The following PRRG1 variants were observed in gnomAD, a reference collection of about 807,000 sequenced individuals.
PRRG1 encodes the protein transmembrane gamma-carboxyglutamic acid protein 1.
In PRRG1, 5 loss-of-function variants were observed where a neutral mutation model predicts 11.8. That is an observed-to-expected ratio of 0.42 (90% CI 0.22 to 0.89). The LOEUF is 0.89. PRRG1 is among the 40% of genes least tolerant of loss of function. The pLI, the probability that PRRG1 is intolerant of heterozygous loss-of-function variation, is 0.28. For synonymous variants in PRRG1, 66 were observed against 60.4 expected (o/e 1.09, Z -0.43); for missense variants, 155 against 166.1 (o/e 0.93, Z 0.37).
intron 1 of PRRG1, among the ~76,000 whole-genome samples, chrX:37,399,392 G>A (rs1473897231): frequency 2.0e-4 from 21 of 107,593 alleles, no homozygotes; most frequent in African/African-American, 7.1e-4. Context: ...AGCTTCATAA[G>A]TGAAGGAGAA....
intron 3 of PRRG1, among the ~76,000 whole-genome samples, chrX:37,447,361 T>C (rs1420380697): frequency 1.8e-5 from 2 of 112,046 alleles, no homozygotes; most frequent in African/African-American, 6.5e-5. Context: ...ATGGTAGTAA[T>C]AGCAGGACAC....
rs1402500414 is a variant in PRRG1, at chrX:37,453,898, T to G, written c.*277T>G. 4.3e-6 allele frequency: 1 copy of G among 231,153 alleles called. No homozygotes were observed. The highest frequency in any genetic ancestry group is 7.7e-6 in the Non-Finnish European group (1 of 130,475). 19.0% of individuals were successfully genotyped at this position (231,153 alleles called of 1,213,427 possible). A position where few individuals can be genotyped will look rare whatever the true frequency, so the allele number is the denominator to read the frequency against. ...ACATGTAAGTGTATATATGTGTGTA[T>G]AGGCATATATACGTGTGTATGCATC... is the stretch of plus-strand genomic sequence containing the variant. On this transcript the variant is annotated 3_prime_UTR_variant, in exon 4 of 4. Coordinates refer to ENST00000378628, the MANE Select transcript of PRRG1 (RefSeq NM_001142395.2).
At chrX:37,355,486 T>A (rs2146917776) in intron 1 of PRRG1, among the ~76,000 whole-genome samples, 1 of 111,753 alleles carries the variant, frequency 8.9e-6, no homozygotes, top group South Asian at 3.8e-4. Flanking sequence ...GTTTGAAGAT[T>A]TTTGGAGTTC....
chrX:37,398,724 A>C (rs1931819413), intron 1 of PRRG1, among the ~76,000 whole-genome samples: 1 of 111,915 alleles, frequency 8.9e-6, no homozygotes, highest in Non-Finnish European at 1.9e-5. Context: ...AAGAAGTTAA[A>C]AACTTTGAAA....
chrX:37,385,460 A>G (rs1424514111), intron 1 of PRRG1, among the ~76,000 whole-genome samples: 1 of 109,899 alleles, frequency 9.1e-6, no homozygotes, highest in East Asian at 2.8e-4. Context: ...TGATTCGTAT[A>G]CTTTTCTGTA....
rs1921325841 is a variant in PRRG1 at position 37,455,613 on chromosome X, G to A, written c.*1992G>A. On this transcript the variant is annotated 3_prime_UTR_variant, in exon 4 of 4. Transcript: ENST00000378628. ...AGCAAATGATAGAAAGGGAAGTAAG[G>A]CGTGTGTGCTAGTTAATAGGTTTAG... 1 of 112,189 alleles carries A rather than the reference G, an allele frequency of 8.9e-6. No homozygotes were observed. Among genetic ancestry groups the A allele is most frequent in the African/African-American group, 3.2e-5 (1 of 30,864 alleles). 9.2% of individuals were successfully genotyped at this position (112,189 alleles called of 1,213,427 possible).
intron 1 of PRRG1, among the ~76,000 whole-genome samples, chrX:37,372,690 T>C (rs1490557931): frequency 2.7e-5 from 3 of 112,825 alleles, no homozygotes; most frequent in Non-Finnish European, 3.7e-5. Context: ...ATTCTGGCTA[T>C]TAACTCCTTA....
chrX:37,430,705 C>G (rs1050581158), intron 3 of PRRG1, among the ~76,000 whole-genome samples: 12 of 111,498 alleles, frequency 1.1e-4, no homozygotes, highest in African/African-American at 3.9e-4. Context: ...GCAGCCTTTA[C>G]TCAGTTTCCC....
intron 3 of PRRG1, among the ~76,000 whole-genome samples, chrX:37,429,424 C>G (rs1297753809): frequency 8.9e-6 from 1 of 111,791 alleles, no homozygotes; most frequent in Non-Finnish European, 1.9e-5. Context: ...TCATCTTTCT[C>G]AAGTTCAAAG....
At chrX:37,400,345 A>C (rs782001517) in intron 1 of PRRG1, among the ~76,000 whole-genome samples, 1 of 111,969 alleles carries the variant, frequency 8.9e-6, no homozygotes, top group African/African-American at 3.3e-5. Flanking sequence ...AAACCGCTCA[A>C]CTACATGGAA....
chrX:37,368,239 T>C (rs1490299215), intron 1 of PRRG1, among the ~76,000 whole-genome samples: 1 of 112,386 alleles, frequency 8.9e-6, no homozygotes, highest in Non-Finnish European at 1.9e-5. Flanking sequence ...GCTGATTTTG[T>C]TTTTCTAGTT....
intron 1 of PRRG1, among the ~76,000 whole-genome samples, chrX:37,396,445 C>T (rs782064799): frequency 1.2e-4 from 13 of 111,452 alleles, no homozygotes; most frequent in South Asian, 7.7e-4. Flanking sequence ...AGGTCTTTCT[C>T]GTGCTGTTCT....
At chrX:37,428,812 C>T (rs890945531) in intron 3 of PRRG1, among the ~76,000 whole-genome samples, 40 of 112,779 alleles carry the variant, frequency 3.5e-4, no homozygotes, top group Non-Finnish European at 5.6e-5. Context: ...CAGAGGTTCT[C>T]CATGAGAGCC....
intron 1 of PRRG1, among the ~76,000 whole-genome samples, chrX:37,384,137 A>G (rs1556374491): frequency 9.0e-6 from 1 of 111,409 alleles, no homozygotes; most frequent in Non-Finnish European, 1.9e-5. Flanking sequence ...TCTTTTGAGA[A>G]GGGTGATATA....
chrX:37,426,525 C>T (rs1411859106), intron 3 of PRRG1, among the ~76,000 whole-genome samples: 1 of 111,737 alleles, frequency 8.9e-6, no homozygotes, highest in Non-Finnish European at 1.9e-5. Context: ...AGAACTGCTC[C>T]ACAGCTGGAA....
At chrX:37,409,980 C>A (rs1243346861) in intron 2 of PRRG1, among the ~76,000 whole-genome samples, 2 of 111,746 alleles carry the variant, frequency 1.8e-5, no homozygotes, top group Non-Finnish European at 3.8e-5. Flanking sequence ...AAGAATCATT[C>A]GTTTATGTGA....
chrX:37,425,941 AAAG>A lies in PRRG1; in HGVS notation c.118_120del (p.Glu40del), dbSNP rs1421156245. On this transcript the variant is annotated inframe_deletion, in exon 3 of 4. Coordinates refer to ENST00000378628, the MANE Select transcript of PRRG1 (RefSeq NM_001142395.2). ...ACAGGGCAACATTGAGCGTGAGTGCAAAGAAGAATTCTGTACATTTGAAGAAGC... is the reference window on the plus strand; with the variant it reads ...ACAGGGCAACATTGAGCGTGAGTGCAAAGAATTCTGTACATTTGAAGAAGC... 42 of 1,205,139 alleles carry A rather than the reference AAAG, an allele frequency of 3.5e-5. No homozygotes were observed. Among genetic ancestry groups the A allele is most frequent in the Non-Finnish European group, 4.6e-5 (41 of 893,017 alleles).
intron 1 of PRRG1, among the ~76,000 whole-genome samples, chrX:37,380,240 G>A (rs1188964019): frequency 1.8e-5 from 2 of 111,530 alleles, no homozygotes; most frequent in Non-Finnish European, 3.8e-5. Context: ...CCAGAACTCC[G>A]AGAGCCTGTC....
At chrX:37,439,605 G>A (rs1932937178) in intron 3 of PRRG1, among the ~76,000 whole-genome samples, 2 of 110,449 alleles carry the variant, frequency 1.8e-5, no homozygotes, top group Non-Finnish European at 3.8e-5. Context: ...ATTAGTGATG[G>A]TTATGCCAGG....
Sources: gnomAD v4.1 joint callset for allele counts (sites outside exome capture counted in the v4.1 genomes callset) on GRCh38, gnomAD v4.1.1 for gene constraint, MANE v1.5 for transcripts, NCBI Gene and HGNC (gene_info 2026-07-23, HGNC 2026-07-21) for gene names.